Variants in SMARCA4 observed in about 807,000 individuals in gnomAD.
The protein encoded by SMARCA4 is SWI/SNF related BAF chromatin remodeling complex subunit ATPase 4.
A neutral mutation model predicts 193.9 loss-of-function variants in SMARCA4; 31 were observed. That is an observed-to-expected ratio of 0.16 (90% confidence interval 0.12 to 0.22). The LOEUF is 0.22. SMARCA4 is among the 10% of genes least tolerant of loss of function. SMARCA4 has a pLI of 1.00. For missense variants in SMARCA4, 1,148 were observed against 2,296.0 expected (o/e 0.50, Z 10.22); for synonymous variants, 942 against 933.1 (o/e 1.01, Z -0.17).
chr19:11,058,908 G>A lies in SMARCA4; in HGVS notation c.4635+19G>A, dbSNP rs774679306. The A allele has an allele frequency of 1.3e-6, 2 of 1,593,384 alleles. No individual in the cohort carries two copies. The highest frequency in any genetic ancestry group is 3.3e-5 in the Admixed American group (2 of 59,970). On this transcript the variant is annotated intron_variant, in intron 32 of 34. Coordinates refer to ENST00000344626, the MANE Select transcript of SMARCA4 (RefSeq NM_003072.5). The surrounding 1 kb of genome is among the most constrained non-coding windows in gnomAD (Gnocchi z 5.8). ...CTCCCTGGTGAGGGCACCGCTGGGG[G>A]TTGGGGATGGGCCACTCCCACAGCT...
chr19:10,983,438 T>G (rs2085731779), intron 1 of SMARCA4: 2 of 151,808 alleles, frequency 1.3e-5, no homozygotes, highest in Non-Finnish European at 2.9e-5. Flanking sequence ...GGCTTGTTTT[T>G]TTTTTTTTTT....
chr19:10,981,323 C>T (rs113948797), intron 1 of SMARCA4, among the ~76,000 whole-genome samples: 3 of 152,248 alleles, frequency 2.0e-5, no homozygotes, highest in Non-Finnish European at 4.4e-5. Flanking sequence ...TCCCTGCAGA[C>T]ATACCCATGG....
chr19:11,038,046 T>C (rs2075365385), intron 29 of SMARCA4, among the ~76,000 whole-genome samples: 1 of 152,188 alleles, frequency 6.6e-6, no homozygotes, highest in South Asian at 2.1e-4. Context: ...TTCAAAATGC[T>C]CCTATGGCCG....
Position 10,984,413 on chromosome 19 carries a change from C to G in SMARCA4, c.222+40C>G, listed in dbSNP as rs1488806476. ...GCCCGCCTCGCACCTGCGGCCTCTG[C>G]CCACTAGGGCTGCAGGCAGCCTCTG... On this transcript the variant is annotated intron_variant, in intron 2 of 34. Transcript: ENST00000344626. The surrounding 1 kb of genome is among the most constrained non-coding windows in gnomAD (Gnocchi z 4.3). 1 of 1,552,624 alleles carries G rather than the reference C, an allele frequency of 6.4e-7. No individual in the cohort carries two copies. Among genetic ancestry groups the G allele is most frequent in the Admixed American group, 1.9e-5 (1 of 51,392 alleles).
rs112721721 is a variant in SMARCA4 at position 11,001,132 on chromosome 19, G to A, written c.1813-1897G>A. Among the ~76,000 whole-genome samples, 549 of 152,206 alleles carry A rather than the reference G, an allele frequency of 3.6e-3. 7 individuals carry two copies. Among genetic ancestry groups the A allele is most frequent in the African/African-American group, 0.012 (511 of 41,512 alleles). On this transcript the variant is annotated intron_variant, in intron 11 of 34. Transcript: ENST00000344626. Reference sequence around the variant, plus strand: ...TCCAGTGATGAGGTCATGGCTCACCGCAGCCTTGACGTCCTGGGCTCAAGT... The same window carrying A: ...TCCAGTGATGAGGTCATGGCTCACCACAGCCTTGACGTCCTGGGCTCAAGT...
In SMARCA4 at chr19:11,059,894, C is replaced by CG. The variant is rs770591183; in HGVS notation, c.4768+16dup. 8.1e-6 allele frequency: 13 copies of CG among 1,613,640 alleles called. No homozygotes were observed. Among genetic ancestry groups the CG allele is most frequent in the Non-Finnish European group, 4.2e-6 (5 of 1,179,954 alleles). ...AGGCTCCGAATCCGAATGTGAGTCCCGGGGGGGTTCAGGACGCCGGGGTTC... is the reference window on the plus strand; with the variant it reads ...AGGCTCCGAATCCGAATGTGAGTCCCGGGGGGGGTTCAGGACGCCGGGGTTC... On this transcript the variant is annotated intron_variant, in intron 33 of 34. Coordinates refer to ENST00000344626, the MANE Select transcript of SMARCA4 (RefSeq NM_003072.5).
rs770154015 is a variant in SMARCA4, at chr19:11,018,929, C to G, written c.2439-28C>G. The G allele has an allele frequency of 7.6e-5, 121 of 1,601,852 alleles. No individual in the cohort carries two copies. In the South Asian group the frequency reaches 1.3e-3, roughly 17 times the overall value. On this transcript the variant is annotated intron_variant, in intron 16 of 34. Coordinates refer to ENST00000344626, the MANE Select transcript of SMARCA4 (RefSeq NM_003072.5). Reference sequence around the variant, plus strand: ...GTGAGCCATTGATGAGAGACCGGCACTTGACTCTCATTTCCTTGTTCCATC... The same window carrying G: ...GTGAGCCATTGATGAGAGACCGGCAGTTGACTCTCATTTCCTTGTTCCATC...
chr19:11,047,883 C>G (rs1184609361), intron 30 of SMARCA4: 1 of 152,262 alleles, frequency 6.6e-6, no homozygotes, highest in Non-Finnish European at 1.5e-5. Context: ...GTGTGACATT[C>G]TAAGGACTCA....
rs553047809 is a variant in SMARCA4, at chr19:11,034,083, G to A, written c.3874-40G>A. 15 of 1,541,074 alleles carry A rather than the reference G, an allele frequency of 9.7e-6. No homozygotes were observed. Among genetic ancestry groups the A allele is most frequent in the South Asian group, 5.6e-5 (5 of 89,704 alleles). On this transcript the variant is annotated intron_variant, in intron 27 of 34. Transcript: ENST00000344626. This position sits in a 1 kb window ranked among gnomAD's most constrained non-coding sequence, Gnocchi z 7.0. ...TCTGAGCTCGGCCGCCGCCCACCCC[G>A]GCCCCTCCTCAGCGGCACTGACAGT...
chr19:11,003,258 G>C (rs1191057767), intron 12 of SMARCA4, 82 bp from the exon 13 acceptor site: 2 of 1,604,976 alleles, frequency 1.2e-6, no homozygotes, highest in African/African-American at 1.3e-5. Context: ...ACTTCTGTTT[G>C]AATTCCCGGC....
chr19:10,978,859 T>A (rs781494299), intron 1 of SMARCA4, among the ~76,000 whole-genome samples: 7 of 151,920 alleles, frequency 4.6e-5, no homozygotes, highest in Non-Finnish European at 1.0e-4. Context: ...TGAGGCACGA[T>A]AATCGCTTGA....
chr19:10,994,479 C>T (rs2086844754), intron 8 of SMARCA4, among the ~76,000 whole-genome samples: 1 of 151,840 alleles, frequency 6.6e-6, no homozygotes. Context: ...GGCCCCTCAC[C>T]ACGCCCGGCT....
intron 1 of SMARCA4, among the ~76,000 whole-genome samples, chr19:10,966,053 G>T (rs1168608694): frequency 6.8e-6 from 1 of 146,000 alleles, no homozygotes; most frequent in Non-Finnish European, 1.5e-5. Context: ...TGCGGTCCTG[G>T]CTCACTGCAA....
rs112562132 is a variant in SMARCA4, at chr19:10,976,261, G to A, written c.-31-7860G>A. Among the ~76,000 whole-genome samples, 837 of 152,308 alleles carry A rather than the reference G, an allele frequency of 5.5e-3. 14 individuals carry two copies. Among genetic ancestry groups the A allele is most frequent in the African/African-American group, 0.017 (720 of 41,560 alleles). On this transcript the variant is annotated intron_variant, in intron 1 of 34. Coordinates refer to ENST00000344626, the MANE Select transcript of SMARCA4 (RefSeq NM_003072.5). Reference sequence around the variant, plus strand: ...TTGTCCTTAGACACCTTTCCTGGCCGTGCTCGTTTGGCCTTCCCGTGTAGA... The same window carrying A: ...TTGTCCTTAGACACCTTTCCTGGCCATGCTCGTTTGGCCTTCCCGTGTAGA...
intron 30 of SMARCA4, among the ~76,000 whole-genome samples, chr19:11,048,601 C>A (rs1163743286): frequency 6.6e-6 from 1 of 152,202 alleles, no homozygotes; most frequent in African/African-American, 2.4e-5. Flanking sequence ...CCCATGACTG[C>A]AGGTGGGAGC....
chr19:10,989,270 G>T, intron 6 of SMARCA4, 47 bp from the exon 7 acceptor site: 3 of 1,611,682 alleles, frequency 1.9e-6, no homozygotes, highest in Non-Finnish European at 2.5e-6. Context: ...GTAACTGGGT[G>T]CCCTGGCAAC....
At chr19:11,056,706 A>G (rs890439847) in intron 30 of SMARCA4, among the ~76,000 whole-genome samples, 3 of 152,192 alleles carry the variant, frequency 2.0e-5, no homozygotes, top group African/African-American at 7.2e-5. Flanking sequence ...TAACGTCTGC[A>G]TCTCAGGAGG....
chr19:10,992,982 T>TG (rs2086688898), intron 8 of SMARCA4, among the ~76,000 whole-genome samples: 1 of 149,932 alleles, frequency 6.7e-6, no homozygotes, highest in South Asian at 2.1e-4. Flanking sequence ...TCTAAAACTT[T>TG]GCTTTTTTTT....
rs2085848252 is a variant in SMARCA4 at position 10,984,564 on chromosome 19, G to A, written c.222+191G>A. Among the ~76,000 whole-genome samples, 1 of 152,396 alleles carries A rather than the reference G, an allele frequency of 6.6e-6. No homozygotes were observed. ...GGTTCAGCTCGTCAGACCCCAGCCT[G>A]TGCTGGCGCATGATCTGGGCCCCGC... is the stretch of plus-strand genomic sequence containing the variant. On this transcript the variant is annotated intron_variant, in intron 2 of 34. Coordinates refer to ENST00000344626, the MANE Select transcript of SMARCA4 (RefSeq NM_003072.5). This position sits in a 1 kb window ranked among gnomAD's most constrained non-coding sequence, Gnocchi z 4.3.
Sources: gnomAD v4.1 joint callset for allele counts (sites outside exome capture counted in the v4.1 genomes callset) on GRCh38, gnomAD v4.1.1 for gene constraint, Gnocchi (gnomAD v3.1) non-coding constraint, MANE v1.5 for transcripts, NCBI Gene and HGNC (gene_info 2026-07-23, HGNC 2026-07-21) for gene names.